NDFIP1: variants seen among roughly 807,000 people sequenced by gnomAD.
The protein encoded by NDFIP1 is NEDD4 family-interacting protein 1.
Under a neutral mutation model 28.8 loss-of-function variants are expected in NDFIP1, and 7 were observed. The ratio of observed to expected loss-of-function variants is 0.24; its 90% CI spans 0.14 to 0.46. The LOEUF (loss-of-function observed/expected upper bound fraction) is 0.46. Ranked by LOEUF, NDFIP1 falls within the 20% of genes least tolerant of loss-of-function variation. The pLI is 0.99. For missense variants in NDFIP1, 194 were observed against 269.1 expected, an observed-to-expected ratio of 0.72 and a Z score of 1.95; for synonymous variants, 92 against 101.0, an observed-to-expected ratio of 0.91 and a Z score of 0.53.
Position 142,131,817 on chromosome 5 carries a change from G to A in NDFIP1, c.73G>A (p.Glu25Lys). The A allele has an allele frequency of 6.3e-7, 1 of 1,580,112 alleles. No homozygotes were observed. The highest frequency in any genetic ancestry group is 8.6e-7 in the Non-Finnish European group (1 of 1,169,288). The change falls in exon 2 of 8, where the codon GAA becomes AAA. Residue 25 changes from glutamate (E) to lysine (K), a missense_variant. Coordinates refer to ENST00000253814, the MANE Select transcript of NDFIP1 (RefSeq NM_030571.4). Reference sequence around the variant, plus strand: ...TGAAATTTTTATTTAGTTGCAGAATGAAGAAGAGTCTGGAGAACCTGAACA... The same window carrying A: ...TGAAATTTTTATTTAGTTGCAGAATAAAGAAGAGTCTGGAGAACCTGAACA... ...CGSRYQQLQNEEESGEPEQAA... is the reference protein window; with the variant it reads ...CGSRYQQLQNKEESGEPEQAA...
intron 1 of NDFIP1, among the ~76,000 whole-genome samples, chr5:142,119,962 A>G (rs907452629): frequency 1.3e-5 from 2 of 152,062 alleles, no homozygotes; most frequent in African/African-American, 4.8e-5. Context: ...AATTATTATT[A>G]TTATTATTTT....
chr5:142,117,707 G>A (rs1054413723), intron 1 of NDFIP1, among the ~76,000 whole-genome samples: 2 of 139,162 alleles, frequency 1.4e-5, no homozygotes, highest in African/African-American at 5.3e-5. Context: ...TGCTCCTCAA[G>A]TTTGGTGTGT....
chr5:142,120,821 A>T (rs988946182), intron 1 of NDFIP1, among the ~76,000 whole-genome samples: 1 of 152,228 alleles, frequency 6.6e-6, no homozygotes, highest in Non-Finnish European at 1.5e-5. Context: ...GTGTAACAGG[A>T]AAGGTATTAA....
At position 142,151,742 on chromosome 5, in the gene NDFIP1, C is replaced by G. The variant is rs1242748799; in HGVS notation, c.*14C>G. The G allele has an allele frequency of 6.5e-6, 1 of 152,708 alleles. No individual in the cohort carries two copies. Among genetic ancestry groups the G allele is most frequent in the African/African-American group, 2.4e-5 (1 of 41,446 alleles). The allele number at this position is 152,708 out of a possible 1,614,324, so 9.5% of individuals were successfully genotyped here. Reference sequence around the variant, plus strand: ...TCCTTCTCTGGCAGATGTTTTCTGGCAAAGGCCTTCCTGCATTTATGAATT... The same window carrying G: ...TCCTTCTCTGGCAGATGTTTTCTGGGAAAGGCCTTCCTGCATTTATGAATT... On this transcript the variant is annotated 3_prime_UTR_variant, in exon 8 of 8. Transcript: ENST00000253814.
chr5:142,141,111 G>A (rs1280470270), intron 6 of NDFIP1, among the ~76,000 whole-genome samples: 7 of 147,440 alleles, frequency 4.7e-5, no homozygotes, highest in Admixed American at 4.1e-4. Flanking sequence ...TGGATTTCCA[G>A]AATGCTTTAG....
At chr5:142,132,843 TG>T (rs1326416157) in intron 3 of NDFIP1, among the ~76,000 whole-genome samples, 1 of 152,230 alleles carries the variant, frequency 6.6e-6, no homozygotes, top group Non-Finnish European at 1.5e-5. Flanking sequence ...TGTTGATTCA[TG>T]GAGGTGGAGA....
rs187361426 is a variant in NDFIP1, at chr5:142,127,910, G to T, written c.64-3898G>T. Among the ~76,000 whole-genome samples, 31 of 152,122 alleles carry T rather than the reference G, an allele frequency of 2.0e-4. 1 individual carries two copies. Among genetic ancestry groups the T allele is most frequent in the African/African-American group, 7.5e-4 (31 of 41,508 alleles). Reference sequence around the variant, plus strand: ...GGCAGAGGTTGCAGTGAGCCAAGATGGTACCACTGCACTCCAGCCTGGGTG... The same window carrying T: ...GGCAGAGGTTGCAGTGAGCCAAGATTGTACCACTGCACTCCAGCCTGGGTG... On this transcript the variant is annotated intron_variant, in intron 1 of 7. Transcript: ENST00000253814.
chr5:142,113,842 A>G (rs554077974), intron 1 of NDFIP1, among the ~76,000 whole-genome samples: 2 of 152,298 alleles, frequency 1.3e-5, no homozygotes, highest in Admixed American at 6.5e-5. Context: ...ACTTAGCATA[A>G]TGTCTTCAGA....
At chr5:142,123,460 G>C (rs1002844246) in intron 1 of NDFIP1, among the ~76,000 whole-genome samples, 3 of 152,164 alleles carry the variant, frequency 2.0e-5, no homozygotes, top group Non-Finnish European at 4.4e-5. Flanking sequence ...ATAGATGCCA[G>C]TTGTAGTCCA....
intron 7 of NDFIP1, among the ~76,000 whole-genome samples, chr5:142,150,197 AAAAT>A (rs781569074): frequency 0.32 from 14,531 of 44,822 alleles, 1,009 homozygotes; most frequent in East Asian, 0.47. Context: ...AAAAAAAAAA[AAAAT>A]ATATAGAAAC....
chr5:142,121,281 C>G (rs774443785), intron 1 of NDFIP1, among the ~76,000 whole-genome samples: 1 of 152,184 alleles, frequency 6.6e-6, no homozygotes, highest in African/African-American at 2.4e-5. Context: ...AAATGTTAAA[C>G]ATTTCTCATT....
At chr5:142,118,150 T>C (rs1370039424) in intron 1 of NDFIP1, among the ~76,000 whole-genome samples, 2 of 152,242 alleles carry the variant, frequency 1.3e-5, no homozygotes, top group East Asian at 3.8e-4. Context: ...TTCACAATTA[T>C]TGAACCAATA....
chr5:142,148,315 A>G (rs1757411775), intron 7 of NDFIP1, among the ~76,000 whole-genome samples: 1 of 152,222 alleles, frequency 6.6e-6, no homozygotes, highest in Non-Finnish European at 1.5e-5. Flanking sequence ...CTACTATCAT[A>G]GGGGCAGCTC....
intron 6 of NDFIP1, chr5:142,144,263 G>A (rs1357844705): frequency 1.1e-5 from 2 of 177,488 alleles, no homozygotes; most frequent in Non-Finnish European, 2.4e-5. Flanking sequence ...TCAATAGGTA[G>A]ATTTTGATGT....
intron 1 of NDFIP1, among the ~76,000 whole-genome samples, chr5:142,130,329 A>G (rs1215857637): frequency 6.6e-6 from 1 of 152,208 alleles, no homozygotes; most frequent in Non-Finnish European, 1.5e-5. Flanking sequence ...AAAATTGAAG[A>G]TTTGACTGGC....
At chr5:142,136,121 A>G (rs191360353) in intron 4 of NDFIP1, among the ~76,000 whole-genome samples, 3 of 152,200 alleles carry the variant, frequency 2.0e-5, no homozygotes, top group Non-Finnish European at 4.4e-5. Context: ...GCTTCTACTC[A>G]TACTTAATCT....
intron 6 of NDFIP1, among the ~76,000 whole-genome samples, chr5:142,142,228 A>G (rs1393167522): frequency 2.6e-5 from 4 of 152,120 alleles, no homozygotes; most frequent in African/African-American, 7.2e-5. Flanking sequence ...AACATAAATC[A>G]TTCATCGCAC....
chr5:142,126,719 G>T (rs1252184569), intron 1 of NDFIP1, among the ~76,000 whole-genome samples: 2 of 152,108 alleles, frequency 1.3e-5, no homozygotes, highest in African/African-American at 4.8e-5. Context: ...CCCTTGCTTA[G>T]CCCTAATCCT....
At chr5:142,146,683 ACAC>A (rs1470577766) in intron 7 of NDFIP1, among the ~76,000 whole-genome samples, 1 of 152,190 alleles carries the variant, frequency 6.6e-6, no homozygotes, top group Non-Finnish European at 1.5e-5. Context: ...GACTGAGATC[ACAC>A]CTCTGTCTAT....
Sources: allele counts gnomAD v4.1 joint callset (sites outside exome capture counted in the v4.1 genomes callset), GRCh38; gene constraint gnomAD v4.1.1; transcripts MANE v1.5; gene names NCBI Gene and HGNC (gene_info 2026-07-23, HGNC 2026-07-21).